DMC1: variants seen among roughly 807,000 people sequenced by gnomAD.
DMC1 encodes the protein meiotic recombination protein DMC1 homolog.
Under a neutral mutation model 50.1 loss-of-function variants are expected in DMC1, and 27 were observed. The observed-to-expected ratio is 0.54, with a 90% CI of 0.40 to 0.74. The LOEUF (loss-of-function observed/expected upper bound fraction) is 0.74. Among genes scored for constraint, DMC1 ranks in the 30% least tolerant of loss-of-function variants. The pLI is 0.00. For missense variants in DMC1, 295 were observed against 420.2 expected, an observed-to-expected ratio of 0.70 and a Z score of 2.60; for synonymous variants, 148 against 136.1, an observed-to-expected ratio of 1.09 and a Z score of -0.61.
rs765941201 is a variant in DMC1 at position 38,568,201 on chromosome 22, C to T, written c.51+5G>A. The stretch of plus-strand genomic sequence containing the variant: ...TCTATATATCTTTCAACATTTTAGT[C>T]ATACCTCTTCATCTTGGAATCCTGG... On this transcript the variant is annotated splice_donor_5th_base_variant and intron_variant, in intron 2 of 13. Coordinates refer to ENST00000216024, the MANE Select transcript of DMC1 (RefSeq NM_007068.4). 4.5e-5 allele frequency: 73 copies of T among 1,613,622 alleles called. No homozygotes were observed. The Middle Eastern group carries it at 2.6e-3, about 58-fold the overall frequency.
intron 12 of DMC1, among the ~76,000 whole-genome samples, chr22:38,537,043 G>A (rs2090221265): frequency 6.6e-6 from 1 of 151,836 alleles, no homozygotes; most frequent in South Asian, 2.1e-4. Context: ...GTAGAGACGA[G>A]GCTTCATCAT....
At chr22:38,552,756 A>G in intron 6 of DMC1, 49 bp from the exon 7 acceptor site, 1 of 1,253,132 alleles carries the variant, frequency 8.0e-7, no homozygotes, top group Middle Eastern at 1.9e-4. Context: ...ATTTCCAGAT[A>G]TTTTCATAAA....
chr22:38,524,975 C>T (rs556764115), intron 12 of DMC1, among the ~76,000 whole-genome samples: 10 of 152,112 alleles, frequency 6.6e-5, no homozygotes, highest in African/African-American at 1.7e-4. Context: ...GCAGGAGAAT[C>T]GCTTGAACCT....
At chr22:38,562,745 TAC>T (rs944659974) in intron 4 of DMC1, among the ~76,000 whole-genome samples, 5 of 151,336 alleles carry the variant, frequency 3.3e-5, no homozygotes, top group African/African-American at 1.2e-4. Context: ...TACACATATA[TAC>T]ACACGTTATA....
At chr22:38,556,959 T>C (rs889417023) in intron 5 of DMC1, among the ~76,000 whole-genome samples, 29 of 152,188 alleles carry the variant, frequency 1.9e-4, no homozygotes, top group Admixed American at 3.3e-4. Context: ...CTAAAGGACA[T>C]GGGCTAAGCG....
chr22:38,560,018 A>G (rs1048491860), intron 5 of DMC1, among the ~76,000 whole-genome samples: 24 of 150,554 alleles, frequency 1.6e-4, no homozygotes, highest in African/African-American at 5.4e-4. Flanking sequence ...ACTCCGTCTG[A>G]AAAAAAAAAT....
At chr22:38,512,954 C>T in the DMC1 span, among the ~76,000 whole-genome samples, 1 of 151,990 alleles carries the variant, frequency 6.6e-6, no homozygotes, top group Non-Finnish European at 1.5e-5. Flanking sequence ...TGGGGTTGTG[C>T]ACACCTGTAA....
In DMC1 at chr22:38,565,680, A is replaced by C. The variant is rs528118092; in HGVS notation, c.243+910T>G. Among the ~76,000 whole-genome samples, 4 of 152,252 alleles carry C rather than the reference A, an allele frequency of 2.6e-5. No individual in the cohort carries two copies. The East Asian group carries it at 7.7e-4, about 29-fold the overall frequency. Reference sequence around the variant, plus strand: ...GGCTCACCTTTGGGCAAAGCCAAGAACCCTCCCAGGTTAAGCCTCAATTTG... The same window carrying C: ...GGCTCACCTTTGGGCAAAGCCAAGACCCCTCCCAGGTTAAGCCTCAATTTG... On this transcript the variant is annotated intron_variant, in intron 4 of 13. Coordinates refer to ENST00000216024, the MANE Select transcript of DMC1 (RefSeq NM_007068.4).
intron 5 of DMC1, among the ~76,000 whole-genome samples, chr22:38,561,410 G>A (rs1569170008): frequency 6.6e-6 from 1 of 152,042 alleles, no homozygotes; most frequent in Non-Finnish European, 1.5e-5. Flanking sequence ...TGGGAGGTTT[G>A]TTCTGACTAA....
intron 8 of DMC1, among the ~76,000 whole-genome samples, chr22:38,547,539 T>C (rs1057506735): frequency 6.6e-6 from 1 of 150,900 alleles, no homozygotes; most frequent in African/African-American, 2.5e-5. Context: ...TCTTCCTATT[T>C]GTTTTTGTTT....
At chr22:38,560,963 C>A (rs545500627) in intron 5 of DMC1, among the ~76,000 whole-genome samples, 1 of 152,016 alleles carries the variant, frequency 6.6e-6, no homozygotes, top group African/African-American at 2.4e-5. Flanking sequence ...CTTTAACAAC[C>A]ATATTCCCAC....
intron 12 of DMC1, among the ~76,000 whole-genome samples, chr22:38,527,228 G>A (rs930458341): frequency 6.6e-6 from 1 of 150,408 alleles, no homozygotes; most frequent in South Asian, 2.1e-4. Flanking sequence ...TTTTTTAGAC[G>A]GCATCTTTCT....
chr22:38,525,805 C>T (rs1342118148), intron 12 of DMC1, among the ~76,000 whole-genome samples: 2 of 151,752 alleles, frequency 1.3e-5, no homozygotes, highest in Non-Finnish European at 2.9e-5. Context: ...CTGGGCATGG[C>T]GGTGCATGCC....
At chr22:38,562,247 A>G in intron 5 of DMC1, 40 bp downstream of exon 5, 2 of 1,290,794 alleles carry the variant, frequency 1.5e-6, no homozygotes, top group Non-Finnish European at 2.3e-6. Flanking sequence ...TGGTATTCCA[A>G]AGATTATGCT....
chr22:38,546,586 T>C (rs1339945503), intron 8 of DMC1, among the ~76,000 whole-genome samples: 1 of 152,220 alleles, frequency 6.6e-6, no homozygotes, highest in Non-Finnish European at 1.5e-5. Flanking sequence ...AGACTTCTTA[T>C]GCCTGGCATT....
At chr22:38,555,742 TA>T (rs1373336682) in intron 5 of DMC1, among the ~76,000 whole-genome samples, 1 of 151,782 alleles carries the variant, frequency 6.6e-6, no homozygotes, top group Non-Finnish European at 1.5e-5. Context: ...AGAAAAAACT[TA>T]AAAAAATAGT....
At chr22:38,523,779 AAT>A (rs976381464) in intron 12 of DMC1, among the ~76,000 whole-genome samples, 4 of 152,226 alleles carry the variant, frequency 2.6e-5, no homozygotes, top group African/African-American at 9.6e-5. Context: ...GAAAAAAAAA[AAT>A]AGTTTTTTCA....
chr22:38,515,952 G>T (rs1775714924), downstream of DMC1, among the ~76,000 whole-genome samples: 1 of 152,108 alleles, frequency 6.6e-6, no homozygotes, highest in African/African-American at 2.4e-5. Flanking sequence ...GCAACCAAAA[G>T]AGTCCTAACC....
intron 8 of DMC1, among the ~76,000 whole-genome samples, chr22:38,543,193 T>C (rs2090305204): frequency 6.6e-6 from 1 of 151,858 alleles, no homozygotes; most frequent in Non-Finnish European, 1.5e-5. Context: ...CTGTAGGATA[T>C]AATAAATTCC....
Sources: gnomAD v4.1 joint callset for allele counts (sites outside exome capture counted in the v4.1 genomes callset) on GRCh38, gnomAD v4.1.1 for gene constraint, MANE v1.5 for transcripts, NCBI Gene and HGNC (gene_info 2026-07-23, HGNC 2026-07-21) for gene names.